TRPV2: variants seen among roughly 807,000 people sequenced by gnomAD.
TRPV2 encodes OTRPC2.
A neutral mutation model predicts 91.0 loss-of-function variants in TRPV2; 58 were observed. The observed-to-expected ratio is 0.64, with a 90% CI of 0.52 to 0.79. The LOEUF (loss-of-function observed/expected upper bound fraction) is 0.79. TRPV2 is among the 30% of genes least tolerant of loss of function. TRPV2 has a pLI of 0.00. For synonymous variants in TRPV2, 417 were observed against 414.8 expected (o/e 1.01, Z -0.06); for missense variants, 807 against 969.6 (o/e 0.83, Z 2.23).
chr17:16,431,256 CATATATATATAT>C (rs60066961), intron 10 of TRPV2, among the ~76,000 whole-genome samples: 46 of 67,804 alleles, frequency 6.8e-4, no homozygotes, highest in African/African-American at 2.9e-3. Context: ...TGATCTGAGA[CATATATATATAT>C]ATATATATAT....
In TRPV2 at chr17:16,420,061, T is replaced by TG. The variant is rs1316691900; in HGVS notation, c.201-47dup. 67 of 1,586,216 alleles carry TG rather than the reference T, an allele frequency of 4.2e-5. No individual in the cohort carries two copies. The Admixed American group carries it at 8.5e-4, about 20-fold the overall frequency. On this transcript the variant is annotated intron_variant, in intron 2 of 14. Coordinates refer to ENST00000338560, the MANE Select transcript of TRPV2 (RefSeq NM_016113.5). The stretch of plus-strand genomic sequence containing the variant: ...AGGGCTCCCTGGGATGGAGGGCTTT[T>TG]GGGGGGGCCTGTGGTTCTTCTCCAG...
In TRPV2 at chr17:16,426,162, G is replaced by T. The variant is rs575452868; in HGVS notation, c.988G>T (p.Glu330Ter). The change falls in exon 6 of 15, where the codon GAG becomes TAG. Residue 330 changes from glutamate (E) to a stop codon, truncating the protein, a stop_gained. Transcript: ENST00000338560. LOFTEE classifies it high-confidence loss of function. This position sits in a 1 kb window ranked among gnomAD's most constrained non-coding sequence, Gnocchi z 6.0. ...GAGCCACCTTTCCCGAAAGTTCACC[G>T]AGTGGTGCTATGGGCCTGTCCGGGT... ...GLSHLSRKFT[E>*]WCYGPVRVSL... 1.9e-6 allele frequency: 3 copies of T among 1,614,082 alleles called. No homozygotes were observed. Among genetic ancestry groups the T allele is most frequent in the Non-Finnish European group, 2.5e-6 (3 of 1,180,044 alleles).
chr17:16,429,444 T>C (rs1483435893), intron 10 of TRPV2, among the ~76,000 whole-genome samples: 2 of 151,958 alleles, frequency 1.3e-5, no homozygotes, highest in East Asian at 1.9e-4. Flanking sequence ...TGGGAGGAAA[T>C]GAAAACCTTA....
Position 16,423,785 on chromosome 17 carries a change from TC to T in TRPV2, c.924+21del. The T allele has an allele frequency of 6.5e-7, 1 of 1,538,266 alleles. No individual in the cohort carries two copies. Among genetic ancestry groups the T allele is most frequent in the Non-Finnish European group, 8.8e-7 (1 of 1,140,058 alleles). ...AGATCGAGGTGAGCGGCTGTCCCCTTCCCACTTCCCCTCTCCAGGAAGCAGT... is the reference window on the plus strand; with the variant it reads ...AGATCGAGGTGAGCGGCTGTCCCCTTCCACTTCCCCTCTCCAGGAAGCAGT... On this transcript the variant is annotated intron_variant, in intron 5 of 14. Transcript: ENST00000338560.
In TRPV2 at chr17:16,423,488, G is replaced by A. The variant is rs377165906; in HGVS notation, c.645G>A (p.Leu215=). ...CFYFGELPLS[L]AACTKQWDVV... The stretch of plus-strand genomic sequence containing the variant: ...CTGCAGGTGAGCTACCCCTCTCTTT[G>A]GCCGCTTGCACCAAGCAGTGGGATG... Residue 215 remains leucine, a synonymous_variant, in exon 5 of 15, where the codon TTG becomes TTA. Transcript: ENST00000338560. The A allele has an allele frequency of 4.3e-6, 7 of 1,609,770 alleles. No homozygotes were observed. The highest frequency in any genetic ancestry group is 5.9e-6 in the Non-Finnish European group (7 of 1,177,266).
At chr17:16,421,460 C>T (rs954634801) in intron 3 of TRPV2, among the ~76,000 whole-genome samples, 12 of 151,730 alleles carry the variant, frequency 7.9e-5, no homozygotes, top group South Asian at 6.2e-4. Flanking sequence ...CTTCGTGATC[C>T]GCCCGCCTTG....
Position 16,430,487 on chromosome 17 carries a change from C to CTTTTT in TRPV2, c.1588-1285_1588-1281dup, listed in dbSNP as rs576176898. On this transcript the variant is annotated intron_variant, in intron 10 of 14. Transcript: ENST00000338560. ...TGTAGCATGTGTCAGAAATGCCTTC[C>CTTTTT]TTTTTTTTTTTTTTTTGAGATGGAG... Among the ~76,000 whole-genome samples, 16 of 80,480 alleles carry CTTTTT rather than the reference C, an allele frequency of 2.0e-4. 2 individuals carry two copies. Among genetic ancestry groups the CTTTTT allele is most frequent in the Non-Finnish European group, 1.9e-4 (5 of 26,780 alleles). 52.8% of individuals were successfully genotyped at this position (80,480 alleles called of 152,430 possible). A position where few individuals can be genotyped will look rare whatever the true frequency, so the allele number is the denominator to read the frequency against.
chr17:16,420,534 T>A (rs997552406), intron 3 of TRPV2, among the ~76,000 whole-genome samples: 5 of 152,128 alleles, frequency 3.3e-5, no homozygotes, highest in African/African-American at 1.2e-4. Flanking sequence ...TCTTTTTTTA[T>A]CTTTTTTAAT....
At position 16,434,831 on chromosome 17, in the gene TRPV2, G is replaced by A. The variant is rs755933651; in HGVS notation, c.2115-59G>A. 2.8e-5 allele frequency: 43 copies of A among 1,533,608 alleles called. No individual in the cohort carries two copies. The East Asian group carries it at 3.0e-4, about 11-fold the overall frequency. On this transcript the variant is annotated intron_variant, in intron 13 of 14. Transcript: ENST00000338560. Reference sequence around the variant, plus strand: ...AATTTGGGGGGCCACGCCCCTCTCCGGGGTGGGAGGGGAGGCGGTCAAAGC... The same window carrying A: ...AATTTGGGGGGCCACGCCCCTCTCCAGGGTGGGAGGGGAGGCGGTCAAAGC...
chr17:16,426,388 G>T lies in TRPV2; in HGVS notation c.1095+119G>T. 1 of 1,278,674 alleles carries T rather than the reference G, an allele frequency of 7.8e-7. No homozygotes were observed. The highest frequency in any genetic ancestry group is 2.2e-5 in the Admixed American group (1 of 46,012). 79.2% of individuals were successfully genotyped at this position (1,278,674 alleles called of 1,614,324 possible). On this transcript the variant is annotated intron_variant, in intron 6 of 14. Transcript: ENST00000338560. The surrounding 1 kb of genome is among the most constrained non-coding windows in gnomAD (Gnocchi z 6.0). ...CCATTCCTGTGCCAGTGGGGGTGTGGCTGCATGTCCCAGCAGGCACGACCC... is the reference window on the plus strand; with the variant it reads ...CCATTCCTGTGCCAGTGGGGGTGTGTCTGCATGTCCCAGCAGGCACGACCC...
At position 16,422,749 on chromosome 17, in the gene TRPV2, G is replaced by A. The variant is rs200402564; in HGVS notation, c.485G>A (p.Arg162Gln). ...GCCCAGTGCACAGATGACTATTACC[G>A]AGGCCACAGCGCTCTGCACATCGCC... ...VNAQCTDDYY[R>Q]GHSALHIAIE... Residue 162 changes from arginine (R) to glutamine (Q), a missense_variant, in exon 4 of 15, where the codon CGA (arginine) becomes CAA (glutamine). Coordinates refer to ENST00000338560, the MANE Select transcript of TRPV2 (RefSeq NM_016113.5). 4.5e-5 allele frequency: 72 copies of A among 1,586,596 alleles called. No individual in the cohort carries two copies. In the East Asian group the frequency reaches 9.2e-4, roughly 20 times the overall value.
chr17:16,428,367 C>T lies in TRPV2; in HGVS notation c.1401C>T (p.Asp467=), dbSNP rs1157655880. The change falls in exon 9 of 15, where the codon GAC becomes GAT. Residue 467 remains aspartate, a synonymous_variant. Coordinates refer to ENST00000338560, the MANE Select transcript of TRPV2 (RefSeq NM_016113.5). ...TGTTCATCTGGATCTCGTTCATAGACAGCTACTTTGAAATCCTCTTGTACG... is the reference window on the plus strand; with the variant it reads ...TGTTCATCTGGATCTCGTTCATAGATAGCTACTTTGAAATCCTCTTGTACG... ...RHVFIWISFI[D]SYFEILFLFQ... 6.2e-7 allele frequency: 1 copy of T among 1,614,094 alleles called. No homozygotes were observed. Among genetic ancestry groups the T allele is most frequent in the Non-Finnish European group, 8.5e-7 (1 of 1,180,048 alleles).
At chr17:16,422,444 GC>G (rs1331762632) in intron 3 of TRPV2, among the ~76,000 whole-genome samples, 154 bp from the exon 4 acceptor site, 4 of 152,144 alleles carry the variant, frequency 2.6e-5, no homozygotes, top group African/African-American at 9.7e-5. Flanking sequence ...AGCCTTAATA[GC>G]CTATAACATG....
chr17:16,431,693 G>T lies in TRPV2; in HGVS notation c.1588-91G>T, dbSNP rs971269164. The T allele has an allele frequency of 3.4e-6, 4 of 1,183,798 alleles. No homozygotes were observed. The African/African-American group carries it at 6.0e-5, about 18-fold the overall frequency. The allele number at this position is 1,183,798 out of a possible 1,614,324, so 73.3% of individuals were successfully genotyped here. ...ATGTGTGCGTATGTGCAGTGTACAC[G>T]GGAACCATGCTGCTGTGGGTGAGGC... On this transcript the variant is annotated intron_variant, in intron 10 of 14. Transcript: ENST00000338560.
Position 16,417,613 on chromosome 17 carries a change from G to C in TRPV2, c.-56G>C, listed in dbSNP as rs1285996654. The C allele has an allele frequency of 1.3e-6, 2 of 1,585,186 alleles. No homozygotes were observed. The highest frequency in any genetic ancestry group is 4.5e-5 in the East Asian group (2 of 44,704). On this transcript the variant is annotated 5_prime_UTR_variant, in exon 2 of 15. Coordinates refer to ENST00000338560, the MANE Select transcript of TRPV2 (RefSeq NM_016113.5). ...CAGCTGGGAGGAAGACAGGACCCTT[G>C]ACATCTCCATCTGCACAGAGGTCCT...
intron 5 of TRPV2, among the ~76,000 whole-genome samples, chr17:16,424,600 A>G (rs1209617846): frequency 6.6e-6 from 1 of 152,198 alleles, no homozygotes; most frequent in Non-Finnish European, 1.5e-5. Context: ...CCGGCCAAAC[A>G]TTGGGAATTT....
Position 16,422,349 on chromosome 17 carries a change from G to GAA in TRPV2, c.335-247_335-246dup, listed in dbSNP as rs543980300. Reference sequence around the variant, plus strand: ...AAAAAAAAAAAAAAAGAAAAGAAAAGAAAAGAAAAAGAAAAAAAAAGAAAT... The same window carrying GAA: ...AAAAAAAAAAAAAAAGAAAAGAAAAGAAAAAAGAAAAAGAAAAAAAAAGAAAT... On this transcript the variant is annotated intron_variant, in intron 3 of 14. Coordinates refer to ENST00000338560, the MANE Select transcript of TRPV2 (RefSeq NM_016113.5). 5.4e-5 allele frequency among the ~76,000 whole-genome samples: 8 copies of GAA among 148,830 alleles called. No homozygotes were observed. In the South Asian group the frequency reaches 1.7e-3, roughly 32 times the overall value.
intron 13 of TRPV2, among the ~76,000 whole-genome samples, chr17:16,434,186 C>T (rs1156784525): frequency 1.3e-5 from 2 of 152,088 alleles, no homozygotes; most frequent in East Asian, 1.9e-4. Context: ...CAGACACTGT[C>T]GGCCGGGTGC....
chr17:16,418,505 C>G (rs938210129), intron 2 of TRPV2, among the ~76,000 whole-genome samples: 3 of 152,152 alleles, frequency 2.0e-5, no homozygotes, highest in Non-Finnish European at 2.9e-5. Flanking sequence ...ATGGGCCAGG[C>G]TAGACTCTGC....
Sources: allele counts gnomAD v4.1 joint callset (sites outside exome capture counted in the v4.1 genomes callset), GRCh38; gene constraint gnomAD v4.1.1; non-coding constraint Gnocchi (gnomAD v3.1); transcripts MANE v1.5; gene names NCBI Gene and HGNC (gene_info 2026-07-23, HGNC 2026-07-21).